BRD4: variants seen among roughly 807,000 people sequenced by gnomAD.
The protein encoded by BRD4 is bromodomain-containing protein 4.
BRD4 carries 16 observed loss-of-function variants against 142.1 expected under a neutral mutation model. That is an observed-to-expected ratio of 0.11 (90% confidence interval 0.08 to 0.17). The LOEUF is 0.17. BRD4 is among the 10% of genes least tolerant of loss of function. BRD4 has a pLI of 1.00. For synonymous variants in BRD4, 833 were observed against 707.5 expected, an observed-to-expected ratio of 1.18 and a Z score of -2.82; for missense variants, 1,424 against 1,810.9, an observed-to-expected ratio of 0.79 and a Z score of 3.88.
Position 15,332,461 on chromosome 19 carries a change from C to T in BRD4, c.-206G>A, listed in dbSNP as rs1295103160. 7 of 152,296 alleles carry T rather than the reference C, an allele frequency of 4.6e-5. No individual in the cohort carries two copies. Among genetic ancestry groups the T allele is most frequent in the Non-Finnish European group, 7.1e-5 (5 of 70,642 alleles). 9.4% of individuals were successfully genotyped at this position (152,296 alleles called of 1,614,324 possible). A position where few individuals can be genotyped will look rare whatever the true frequency, so the allele number is the denominator to read the frequency against. On this transcript the variant is annotated 5_prime_UTR_variant, in exon 1 of 20. Transcript: ENST00000679869. ...GCCGCAGCCGCTGCCGCCGCCACTG[C>T]TTCGGCTCCTCGGCTGCGGGAGACC...
chr19:15,300,591 T>A (rs1231239903), intron 1 of BRD4, among the ~76,000 whole-genome samples: 1 of 150,974 alleles, frequency 6.6e-6, no homozygotes. Flanking sequence ...CAAAACCATG[T>A]GTGGGGTAGG....
At chr19:15,265,693 TGCTG>T (rs748617512) in intron 4 of BRD4, 50 bp from the exon 5 acceptor site, 69 of 1,598,702 alleles carry the variant, frequency 4.3e-5, no homozygotes, top group Non-Finnish European at 5.5e-5. Context: ...GACATCCACA[TGCTG>T]GCTGACCTCG....
At chr19:15,314,688 G>C (rs760596524) in intron 1 of BRD4, among the ~76,000 whole-genome samples, 6 of 152,122 alleles carry the variant, frequency 3.9e-5, no homozygotes, top group Non-Finnish European at 8.8e-5. Flanking sequence ...TCTAAAACCT[G>C]TCAAAACAGG....
At chr19:15,245,839 C>A (rs2047281048) in intron 11 of BRD4, among the ~76,000 whole-genome samples, 2 of 152,108 alleles carry the variant, frequency 1.3e-5, no homozygotes, top group Admixed American at 1.3e-4. Context: ...GCCTGAGCTC[C>A]TTGTCAGGGT....
In BRD4 at chr19:15,238,959, C is replaced by G. The variant is rs200426011; in HGVS notation, c.3804G>C (p.Ala1268=). The change falls in exon 19 of 20, where the codon GCG becomes GCC. Residue 1268 remains alanine, a synonymous_variant. Transcript: ENST00000679869. This position sits in a 1 kb window ranked among gnomAD's most constrained non-coding sequence, Gnocchi z 7.2. ...CATGGGCCCGCCGGGCCTGCTCCAG[C>G]GCATCCTCGTCCTCTCGGCTCCTGG... ...ERMRSREDED[A]LEQARRAHEE... is the part of the protein sequence containing the mutation. 3 of 1,593,302 alleles carry G rather than the reference C, an allele frequency of 1.9e-6. No individual in the cohort carries two copies. Among genetic ancestry groups the G allele is most frequent in the African/African-American group, 1.3e-5 (1 of 74,714 alleles).
rs200566874 is a variant in BRD4 at position 15,239,345 on chromosome 19, C to T, written c.3576+47G>A. Reference sequence around the variant, plus strand: ...GCTGGGGGTGTGCCCAGCATGGCACCTTCCAGGGCCAAGGGGCAAGCGACA... The same window carrying T: ...GCTGGGGGTGTGCCCAGCATGGCACTTTCCAGGGCCAAGGGGCAAGCGACA... On this transcript the variant is annotated intron_variant, in intron 17 of 19. Transcript: ENST00000679869. This position sits in a 1 kb window ranked among gnomAD's most constrained non-coding sequence, Gnocchi z 7.4. 3.3e-4 allele frequency: 525 copies of T among 1,614,092 alleles called. No individual in the cohort carries two copies. Among genetic ancestry groups the T allele is most frequent in the Non-Finnish European group, 4.1e-4 (485 of 1,180,028 alleles).
rs776937750 is a variant in BRD4 at position 15,239,461 on chromosome 19, T to C, written c.3507A>G (p.Ala1169=). The C allele has an allele frequency of 5.6e-6, 9 of 1,614,050 alleles. No individual in the cohort carries two copies. In the South Asian group the frequency reaches 8.8e-5, roughly 16 times the overall value. The change falls in exon 17 of 20, where the codon GCA becomes GCG. Residue 1169 remains alanine (A), a synonymous_variant. Transcript: ENST00000679869. This position sits in a 1 kb window ranked among gnomAD's most constrained non-coding sequence, Gnocchi z 7.4. ...CCTTGTCAGGGGCCCCTGGTGGCGG[T>C]GCGTTCTGCTCTGGGGGCCGGATCA... ...RPVIRPPEQN[A]PPPGAPDKDK... is the part of the protein sequence containing the mutation.
chr19:15,276,972 A>G (rs1308008336), intron 1 of BRD4, among the ~76,000 whole-genome samples: 1 of 152,024 alleles, frequency 6.6e-6, no homozygotes, highest in African/African-American at 2.4e-5. Context: ...GAGGCGGGGG[A>G]AGAGTGTGTG....
At chr19:15,249,000 G>A (rs2145537873) in intron 11 of BRD4, 2 of 546,570 alleles carry the variant, frequency 3.7e-6, no homozygotes, top group South Asian at 2.2e-5. Flanking sequence ...CCCACCCAGA[G>A]GACCCCAGAG....
chr19:15,298,654 A>AAAAAAAAAAAAAT (rs2047843678), intron 1 of BRD4, among the ~76,000 whole-genome samples: 1 of 116,360 alleles, frequency 8.6e-6, no homozygotes, highest in African/African-American at 3.4e-5. Context: ...AAAAAAAAAA[A>AAAAAAAAAAAAAT]AAAAAAGCTT....
intron 1 of BRD4, among the ~76,000 whole-genome samples, chr19:15,326,416 A>C (rs1219058579): frequency 6.6e-6 from 1 of 152,078 alleles, no homozygotes; most frequent in Non-Finnish European, 1.5e-5. Context: ...GCAATGAGCC[A>C]GTCTCTGCAT....
intron 11 of BRD4, 71 bp from the exon 12 acceptor site, chr19:15,244,833 GACGAGAAA>G: frequency 6.2e-7 from 1 of 1,609,564 alleles, no homozygotes. Context: ...GATGAAGAAA[GACGAGAAA>G]ACAGGGCACT....
chr19:15,238,386 A>G lies in BRD4; in HGVS notation c.4080T>C (p.Asn1360=), dbSNP rs201354263. The change falls in exon 20 of 20, where the codon AAT becomes AAC. Residue 1360 remains asparagine, a synonymous_variant. Coordinates refer to ENST00000679869, the MANE Select transcript of BRD4 (RefSeq NM_001379291.1). This position sits in a 1 kb window ranked among gnomAD's most constrained non-coding sequence, Gnocchi z 7.2. ...AGCCACCTAGGTGCGCTCAGAAAAG[A>G]TTTTCTTCAAATATTGACAATAGAT... The part of the protein sequence containing the change: ...QSDLLSIFEE[N]LF 1.2e-6 allele frequency: 2 copies of G among 1,614,030 alleles called. No homozygotes were observed. Among genetic ancestry groups the G allele is most frequent in the South Asian group, 2.2e-5 (2 of 91,072 alleles).
At chr19:15,269,236 C>A (rs949557902) in intron 2 of BRD4, among the ~76,000 whole-genome samples, 194 bp from the exon 3 acceptor site, 2 of 151,480 alleles carry the variant, frequency 1.3e-5, no homozygotes, top group East Asian at 1.9e-4. Flanking sequence ...GGAAGGGTTC[C>A]TGGATGCTGG....
At chr19:15,310,377 C>T (rs1279689895) in intron 1 of BRD4, among the ~76,000 whole-genome samples, 1 of 62,270 alleles carries the variant, frequency 1.6e-5, no homozygotes, top group Non-Finnish European at 4.2e-5. Context: ...CCCCCCCCCC[C>T]CCCGAAGGAG....
At chr19:15,265,900 G>A (rs913383902) in intron 4 of BRD4, among the ~76,000 whole-genome samples, 1 of 152,166 alleles carries the variant, frequency 6.6e-6, no homozygotes, top group Admixed American at 6.5e-5. Flanking sequence ...ACCCCTTCAT[G>A]AAGCCTGGAG....
intron 1 of BRD4, among the ~76,000 whole-genome samples, chr19:15,301,006 C>T (rs886759941): frequency 6.6e-6 from 1 of 152,194 alleles, no homozygotes; most frequent in African/African-American, 2.4e-5. Flanking sequence ...CATTAAGAAT[C>T]ACCAAAAACT....
chr19:15,247,014 A>C (rs549942723), intron 11 of BRD4: 1 of 184,196 alleles, frequency 5.4e-6, no homozygotes, highest in East Asian at 8.8e-5. Context: ...AGACACCCCC[A>C]CACAAAACTC....
chr19:15,321,063 G>A lies in BRD4; in HGVS notation c.-35+11227C>T, dbSNP rs187349749. On this transcript the variant is annotated intron_variant, in intron 1 of 19. Coordinates refer to ENST00000679869, the MANE Select transcript of BRD4 (RefSeq NM_001379291.1). ...AGCCTGGCCAACGGGGTGAAACCCT[G>A]CCCCTACTAAAAATACAAAAACTAG... is the stretch of plus-strand genomic sequence containing the variant. Among the ~76,000 whole-genome samples, 8 of 152,176 alleles carry A rather than the reference G, an allele frequency of 5.3e-5. No homozygotes were observed. The East Asian group carries it at 1.5e-3, about 29-fold the overall frequency.
Sources: allele counts gnomAD v4.1 joint callset (sites outside exome capture counted in the v4.1 genomes callset), GRCh38; gene constraint gnomAD v4.1.1; non-coding constraint Gnocchi (gnomAD v3.1); transcripts MANE v1.5; gene names NCBI Gene and HGNC (gene_info 2026-07-23, HGNC 2026-07-21).